The following USP30 variants were observed in gnomAD, a reference collection of about 807,000 sequenced individuals.
USP30 encodes ubiquitin carboxyl-terminal hydrolase 30.
In USP30, 41 loss-of-function variants were observed where a neutral mutation model predicts 68.2. The ratio of observed to expected loss-of-function variants is 0.60; its 90% CI spans 0.47 to 0.78. The LOEUF is 0.78. USP30 is among the 30% of genes least tolerant of loss of function. The pLI, the probability that USP30 is intolerant of heterozygous loss-of-function variation, is 0.00. For missense variants in USP30, 522 were observed against 649.4 expected, an observed-to-expected ratio of 0.80 and a Z score of 2.13; for synonymous variants, 229 against 253.7, an observed-to-expected ratio of 0.90 and a Z score of 0.93.
At chr12:109,085,598 C>A (rs1045733703) in intron 12 of USP30, 69 bp from the exon 13 acceptor site, 18 of 1,565,462 alleles carry the variant, frequency 1.1e-5, no homozygotes, top group Non-Finnish European at 1.5e-5. Flanking sequence ...CATTAGCATT[C>A]TTTTGTTTTT....
intron 3 of USP30, 145 bp downstream of exon 3, chr12:109,058,253 G>T (rs759495111): frequency 1.8e-5 from 17 of 922,902 alleles, no homozygotes; most frequent in Non-Finnish European, 2.0e-5. Flanking sequence ...GAGCCCAATA[G>T]ATACAAACAA....
intron 7 of USP30, among the ~76,000 whole-genome samples, chr12:109,078,140 C>T (rs759093393): frequency 2.0e-5 from 3 of 152,086 alleles, no homozygotes; most frequent in Non-Finnish European, 4.4e-5. Context: ...ATAATAGCTG[C>T]ACCAGCCAGG....
At chr12:109,072,070 A>G (rs181704515) in intron 5 of USP30, among the ~76,000 whole-genome samples, 285 of 152,346 alleles carry the variant, frequency 1.9e-3, no homozygotes, top group African/African-American at 6.6e-3. Flanking sequence ...ACCAGTAAGG[A>G]TGAAAATATT....
chr12:109,068,559 T>G (rs1389760078), intron 4 of USP30, among the ~76,000 whole-genome samples: 1 of 152,232 alleles, frequency 6.6e-6, no homozygotes, highest in Admixed American at 6.5e-5. Context: ...TGTTGCAACG[T>G]TTTTCTATTT....
At chr12:109,057,822 A>T in intron 2 of USP30, 104 bp from the exon 3 acceptor site, 3 of 1,273,946 alleles carry the variant, frequency 2.4e-6, no homozygotes, top group Non-Finnish European at 1.1e-6. Context: ...TTGGATCGGG[A>T]TTCCAAATTT....
chr12:109,057,887 T>G, intron 2 of USP30, 39 bp from the exon 3 acceptor site: 9 of 1,588,036 alleles, frequency 5.7e-6, no homozygotes, highest in Non-Finnish European at 6.0e-6. Flanking sequence ...TGATCAAATG[T>G]GATATACTGT....
In USP30 at chr12:109,083,053, C is replaced by G. The variant is rs1416884955; in HGVS notation, c.1159C>G (p.Pro387Ala). The G allele has an allele frequency of 1.2e-6, 2 of 1,609,480 alleles. No individual in the cohort carries two copies. Among genetic ancestry groups the G allele is most frequent in the Non-Finnish European group, 1.7e-6 (2 of 1,177,536 alleles). ...GGAGCTGCAGGATGGGCCGGGAGCCCCCACACCAGGTGTGTGCGCGCGAGG... is the reference window on the plus strand; with the variant it reads ...GGAGCTGCAGGATGGGCCGGGAGCCGCCACACCAGGTGTGTGCGCGCGAGG... ...TLELQDGPGA[P>A]TPVLNQPGAP... The change falls in exon 11 of 13, where the codon CCC (proline) becomes GCC (alanine). Residue 387 changes from proline (P) to alanine (A), a missense_variant. Coordinates refer to ENST00000257548, the MANE Select transcript of USP30 (RefSeq NM_032663.5).
chr12:109,081,835 C>T, intron 8 of USP30, 98 bp from the exon 9 acceptor site: 1 of 1,228,746 alleles, frequency 8.1e-7, no homozygotes, highest in Non-Finnish European at 1.2e-6. Flanking sequence ...TGCCTGCATA[C>T]ATCAAAATAA....
At chr12:109,042,741 T>C (rs921971246) in intron 3 of USP30, among the ~76,000 whole-genome samples, 1 of 152,154 alleles carries the variant, frequency 6.6e-6, no homozygotes, top group Non-Finnish European at 1.5e-5. Flanking sequence ...GTACTGGAAG[T>C]TCTAGCCACA....
chr12:109,062,266 A>G (rs1044626997), intron 3 of USP30, among the ~76,000 whole-genome samples: 15 of 148,748 alleles, frequency 1.0e-4, no homozygotes, highest in African/African-American at 2.7e-4. Context: ...GGTGATTTAC[A>G]TGGCCAAATA....
chr12:109,073,158 A>T (rs2041496740), intron 6 of USP30, among the ~76,000 whole-genome samples: 1 of 152,228 alleles, frequency 6.6e-6, no homozygotes, highest in Non-Finnish European at 1.5e-5. Context: ...TTTTAAGCAT[A>T]TGTTTGTAAA....
chr12:109,029,142 A>T (rs1593218608), intron 3 of USP30, among the ~76,000 whole-genome samples: 1 of 152,296 alleles, frequency 6.6e-6, no homozygotes, highest in East Asian at 1.9e-4. Context: ...GTTTATATAG[A>T]TCATGGAGAG....
chr12:109,033,614 A>G (rs984625758), intron 3 of USP30, among the ~76,000 whole-genome samples: 1 of 152,188 alleles, frequency 6.6e-6, no homozygotes, highest in African/African-American at 2.4e-5. Flanking sequence ...ATCAAATTTC[A>G]CATGATTTAA....
chr12:109,048,448 G>T (rs182204837), upstream of USP30, among the ~76,000 whole-genome samples: 5 of 152,008 alleles, frequency 3.3e-5, no homozygotes, highest in Non-Finnish European at 5.9e-5. Flanking sequence ...GGGGTTGAAG[G>T]GGGGTGGAGG....
At chr12:109,042,004 A>G (rs1160911807) in intron 3 of USP30, among the ~76,000 whole-genome samples, 1 of 152,114 alleles carries the variant, frequency 6.6e-6, no homozygotes, top group African/African-American at 2.4e-5. Context: ...AATATGAAAC[A>G]GCATTCAGGA....
intron 11 of USP30, 130 bp from the exon 12 acceptor site, chr12:109,084,823 A>G (rs947445347): frequency 4.5e-6 from 5 of 1,103,552 alleles, no homozygotes; most frequent in African/African-American, 3.2e-5. Flanking sequence ...ATGAATCTAT[A>G]TAATACCAAA....
intron 4 of USP30, 30 bp downstream of exon 4, chr12:109,067,657 T>TG: frequency 1.9e-6 from 3 of 1,595,120 alleles, no homozygotes; most frequent in Non-Finnish European, 2.6e-6. Flanking sequence ...AGGTTTAGCT[T>TG]GGAGAATCCT....
At chr12:109,081,681 G>A in intron 8 of USP30, 1 of 599,728 alleles carries the variant, frequency 1.7e-6, no homozygotes, top group South Asian at 2.0e-5. Flanking sequence ...ACCTCAGATT[G>A]AAAGATACCT....
chr12:109,028,704 T>G (rs1042310188), intron 3 of USP30, among the ~76,000 whole-genome samples: 2 of 152,144 alleles, frequency 1.3e-5, no homozygotes, highest in Non-Finnish European at 2.9e-5. Context: ...CTCAAACTCC[T>G]GACCTCAGGT....
Sources: allele counts gnomAD v4.1 joint callset (sites outside exome capture counted in the v4.1 genomes callset), GRCh38; gene constraint gnomAD v4.1.1; transcripts MANE v1.5; gene names NCBI Gene and HGNC (gene_info 2026-07-23, HGNC 2026-07-21).